Variants in IL36B observed in about 807,000 individuals in gnomAD.
IL36B encodes interleukin-36 beta.
A neutral mutation model predicts 19.3 loss-of-function variants in IL36B; 23 were observed. The ratio of observed to expected loss-of-function variants is 1.19; its 90% CI spans 0.86 to 1.69. The LOEUF is 1.69. IL36B is among the 40% of genes most tolerant of loss of function. IL36B has a pLI of 0.00. For missense variants in IL36B, 217 were observed against 200.5 expected, an observed-to-expected ratio of 1.08 and a Z score of -0.50; for synonymous variants, 59 against 59.7, an observed-to-expected ratio of 0.99 and a Z score of 0.05.
At chr2:113,024,525 G>T (rs1684918197) in intron 5 of IL36B, among the ~76,000 whole-genome samples, 2 of 152,124 alleles carry the variant, frequency 1.3e-5, no homozygotes, top group South Asian at 4.1e-4. Context: ...CTTCTCCTGT[G>T]GTTCTTAGAT....
intron 5 of IL36B, among the ~76,000 whole-genome samples, chr2:113,023,973 C>T (rs1684908015): frequency 6.6e-6 from 1 of 152,078 alleles, no homozygotes; most frequent in South Asian, 2.1e-4. Flanking sequence ...ATTTTCTCTT[C>T]TGAAGAATAA....
At chr2:113,049,463 A>T (rs1253331817) in intron 1 of IL36B, among the ~76,000 whole-genome samples, 1 of 152,220 alleles carries the variant, frequency 6.6e-6, no homozygotes, top group Non-Finnish European at 1.5e-5. Flanking sequence ...TAGCCCAGTT[A>T]AAAAATGGTC....
At chr2:113,048,641 G>A (rs1685389107) in intron 1 of IL36B, among the ~76,000 whole-genome samples, 1 of 152,156 alleles carries the variant, frequency 6.6e-6, no homozygotes, top group East Asian at 1.9e-4. Context: ...TAAGATCGGA[G>A]CAAAAATCAA....
At chr2:113,049,612 G>C (rs762988025) in intron 1 of IL36B, among the ~76,000 whole-genome samples, 2 of 152,212 alleles carry the variant, frequency 1.3e-5, no homozygotes, top group Non-Finnish European at 2.9e-5. Context: ...CACCCATTAA[G>C]ATGGTTGCTA....
chr2:113,038,041 G>A (rs1685192077), intron 1 of IL36B, among the ~76,000 whole-genome samples: 1 of 152,160 alleles, frequency 6.6e-6, no homozygotes, highest in Non-Finnish European at 1.5e-5. Context: ...TTTGAAGTCT[G>A]GTAGTACTGC....
At chr2:113,045,025 T>C (rs576325766) in intron 1 of IL36B, among the ~76,000 whole-genome samples, 2 of 152,302 alleles carry the variant, frequency 1.3e-5, no homozygotes, top group East Asian at 3.9e-4. Context: ...GTTATAATCC[T>C]AATGATACCT....
chr2:113,040,141 A>G (rs1685229953), intron 1 of IL36B, among the ~76,000 whole-genome samples: 1 of 152,254 alleles, frequency 6.6e-6, no homozygotes, highest in Non-Finnish European at 1.5e-5. Context: ...GCAGAACTAC[A>G]TTAATGGAAT....
intron 5 of IL36B, among the ~76,000 whole-genome samples, chr2:113,025,106 T>C (rs1684933121): frequency 6.6e-6 from 1 of 152,190 alleles, no homozygotes; most frequent in South Asian, 2.1e-4. Context: ...AGGCAGAGGA[T>C]ACTGGCTAAA....
chr2:113,031,578 T>A (rs558040081), intron 2 of IL36B, 119 bp downstream of exon 2: 8 of 849,020 alleles, frequency 9.4e-6, no homozygotes, highest in South Asian at 7.7e-5. Flanking sequence ...AGGAACTGAG[T>A]GTTTTAGCAA....
intron 1 of IL36B, among the ~76,000 whole-genome samples, chr2:113,037,060 A>T (rs1685178245): frequency 6.6e-6 from 1 of 152,242 alleles, no homozygotes; most frequent in Non-Finnish European, 1.5e-5. Flanking sequence ...TTTGACTCTT[A>T]GGTGCGCTCA....
At chr2:113,028,180 C>T in intron 4 of IL36B, 65 bp from the exon 5 acceptor site, 1 of 1,316,660 alleles carries the variant, frequency 7.6e-7, no homozygotes. Flanking sequence ...TAACTCAGCT[C>T]TGAGTGTGTA....
chr2:113,032,039 T>C (rs926930831), intron 1 of IL36B, among the ~76,000 whole-genome samples: 2 of 152,046 alleles, frequency 1.3e-5, no homozygotes, highest in Non-Finnish European at 2.9e-5. Flanking sequence ...TCTGGGATTG[T>C]TAGGAGGTTC....
chr2:113,030,631 A>G (rs1433605106), intron 3 of IL36B, among the ~76,000 whole-genome samples: 1 of 152,186 alleles, frequency 6.6e-6, no homozygotes, highest in Non-Finnish European at 1.5e-5. Context: ...TGATGGGAGA[A>G]AGGAATATTT....
At chr2:113,026,457 G>A (rs552384378) in intron 4 of IL36B, among the ~76,000 whole-genome samples, 190 of 152,284 alleles carry the variant, frequency 1.2e-3, no homozygotes, top group Middle Eastern at 6.8e-3. Flanking sequence ...TTGGAACTTA[G>A]CAGTGGGTAC....
chr2:113,022,497 T>C lies in IL36B; in HGVS notation c.*177A>G, dbSNP rs1684879629. 5.5e-6 allele frequency: 3 copies of C among 547,834 alleles called. No individual in the cohort carries two copies. The South Asian group carries it at 6.6e-5, about 12-fold the overall frequency. The allele number at this position is 547,834 out of a possible 1,614,324, so 33.9% of individuals were successfully genotyped here. On this transcript the variant is annotated 3_prime_UTR_variant, in exon 6 of 6. Coordinates refer to ENST00000259213, the MANE Select transcript of IL36B (RefSeq NM_014438.5). Reference sequence around the variant, plus strand: ...TACTCCTAAAAAGACTCCGACCTTCTCTAGCTTTACAGGTAAGATTTACCA... The same window carrying C: ...TACTCCTAAAAAGACTCCGACCTTCCCTAGCTTTACAGGTAAGATTTACCA...
At chr2:113,027,625 G>A (rs11673918) in intron 4 of IL36B, 680,790 of 1,241,800 alleles carry the variant, frequency 0.55, 192,273 homozygotes, top group East Asian at 0.7. Flanking sequence ...TTGGGGGGTT[G>A]ACTAAACTGG....
At chr2:113,031,219 T>A in intron 2 of IL36B, 64 bp from the exon 3 acceptor site, 1 of 1,081,642 alleles carries the variant, frequency 9.2e-7, no homozygotes, top group Non-Finnish European at 1.4e-6. Context: ...TCCAGTTGCA[T>A]CCTGGTATTA....
intron 1 of IL36B, among the ~76,000 whole-genome samples, chr2:113,033,777 A>G (rs978124185): frequency 6.6e-6 from 1 of 152,154 alleles, no homozygotes; most frequent in Non-Finnish European, 1.5e-5. Flanking sequence ...AAAATCTATA[A>G]TGTGTCCAGG....
At chr2:113,022,865 T>A (rs1327119715) in intron 5 of IL36B, 20 of 843,052 alleles carry the variant, frequency 2.4e-5, no homozygotes, top group Middle Eastern at 2.2e-4. Flanking sequence ...AAGGGCAGAT[T>A]CTACACGGAG....
Sources: gnomAD v4.1 joint callset for allele counts (sites outside exome capture counted in the v4.1 genomes callset) on GRCh38, gnomAD v4.1.1 for gene constraint, MANE v1.5 for transcripts, NCBI Gene and HGNC (gene_info 2026-07-23, HGNC 2026-07-21) for gene names.